Variants in KCNJ3 observed in about 807,000 individuals in gnomAD.
KCNJ3 encodes potassium inwardly rectifying channel subfamily J member 3, also known as G protein-activated inward rectifier potassium channel 1.
In KCNJ3, 4 loss-of-function variants were observed where a neutral mutation model predicts 39.2. The observed-to-expected ratio is 0.10, with a 90% confidence interval of 0.05 to 0.23. KCNJ3 has a LOEUF of 0.23. KCNJ3 is among the 10% of genes least tolerant of loss of function. The pLI is 1.00. For synonymous variants in KCNJ3, 230 were observed against 237.4 expected, an observed-to-expected ratio of 0.97 and a Z score of 0.29; for missense variants, 276 against 634.9, an observed-to-expected ratio of 0.43 and a Z score of 6.08.
intron 2 of KCNJ3, among the ~76,000 whole-genome samples, chr2:154,799,606 C>G: frequency 6.6e-6 from 1 of 152,150 alleles, no homozygotes. Flanking sequence ...AAGCCTCAAT[C>G]TATAGCCACT....
At chr2:154,705,839 T>G (rs1343522878) in intron 1 of KCNJ3, among the ~76,000 whole-genome samples, 1 of 152,076 alleles carries the variant, frequency 6.6e-6, no homozygotes, top group Non-Finnish European at 1.5e-5. Flanking sequence ...ACTCCCAGAA[T>G]TTTTTGTAAT....
intron 2 of KCNJ3, among the ~76,000 whole-genome samples, chr2:154,806,444 CA>C (rs1440758990): frequency 1.3e-5 from 2 of 152,150 alleles, no homozygotes; most frequent in Non-Finnish European, 2.9e-5. Flanking sequence ...GGCAAACAAG[CA>C]GATTCCCTGT....
intron 2 of KCNJ3, among the ~76,000 whole-genome samples, chr2:154,799,637 G>T (rs1029745527): frequency 6.6e-6 from 1 of 152,084 alleles, no homozygotes; most frequent in East Asian, 1.9e-4. Flanking sequence ...TTAGCATACA[G>T]GTCCCTCTTC....
At chr2:154,724,914 G>A (rs1023505486) in intron 2 of KCNJ3, among the ~76,000 whole-genome samples, 10 of 64,340 alleles carry the variant, frequency 1.6e-4, no homozygotes, top group Non-Finnish European at 2.3e-4. Flanking sequence ...AGATACATAT[G>A]AGGTATATAT....
chr2:154,757,055 A>AAGTAT (rs1256966653), intron 2 of KCNJ3, among the ~76,000 whole-genome samples: 8 of 152,140 alleles, frequency 5.3e-5, no homozygotes, highest in African/African-American at 1.9e-4. Context: ...TGAATTTAAA[A>AAGTAT]AGTATTTTTA....
chr2:154,857,886 CAAAAA>C lies in KCNJ3; in HGVS notation c.*2610_*2614del, dbSNP rs70983747. On this transcript the variant is annotated 3_prime_UTR_variant, in exon 3 of 3. Coordinates refer to ENST00000295101, the MANE Select transcript of KCNJ3 (RefSeq NM_002239.4). ...ACAGTGCGAGACTCCATCTCAACAT[CAAAAA>C]AAAAAAAAAAAAAAAAAAAAAAAAA... 2 of 41,972 alleles carry C rather than the reference CAAAAA, an allele frequency of 4.8e-5. No individual in the cohort carries two copies. The highest frequency in any genetic ancestry group is 2.9e-4 in the African/African-American group (2 of 6,960). 2.6% of individuals were successfully genotyped at this position (41,972 alleles called of 1,614,324 possible). A position where few individuals can be genotyped will look rare whatever the true frequency, so the allele number is the denominator to read the frequency against.
At chr2:154,840,359 G>A (rs937658961) in intron 2 of KCNJ3, among the ~76,000 whole-genome samples, 1 of 152,142 alleles carries the variant, frequency 6.6e-6, no homozygotes, top group Non-Finnish European at 1.5e-5. Flanking sequence ...AGTATACTTT[G>A]AAGTCAGGTA....
intron 2 of KCNJ3, among the ~76,000 whole-genome samples, chr2:154,802,098 A>G (rs1457045235): frequency 6.6e-6 from 1 of 152,088 alleles, no homozygotes; most frequent in African/African-American, 2.4e-5. Context: ...ATTGTGAGTC[A>G]GGAGTAATGT....
intron 2 of KCNJ3, among the ~76,000 whole-genome samples, chr2:154,741,540 G>A (rs1235161473): frequency 6.6e-6 from 1 of 151,426 alleles, no homozygotes; most frequent in African/African-American, 2.4e-5. Flanking sequence ...TATTGTTTTT[G>A]GGATGTGGTC....
intron 1 of KCNJ3, among the ~76,000 whole-genome samples, chr2:154,703,577 C>T (rs1351451071): frequency 2.0e-5 from 3 of 151,518 alleles, no homozygotes; most frequent in East Asian, 1.9e-4. Flanking sequence ...TGACTATTAT[C>T]AAGTGCAGAT....
chr2:154,811,233 G>T, intron 2 of KCNJ3, among the ~76,000 whole-genome samples: 1 of 152,076 alleles, frequency 6.6e-6, no homozygotes, highest in South Asian at 2.1e-4. Flanking sequence ...ATGCATGGCC[G>T]GAAGAGGGCT....
chr2:154,743,970 GT>G (rs1685695465), intron 2 of KCNJ3, among the ~76,000 whole-genome samples: 1 of 151,156 alleles, frequency 6.6e-6, no homozygotes, highest in Admixed American at 6.6e-5. Flanking sequence ...ATTACATATG[GT>G]TTCTGTAGAC....
At chr2:154,743,306 C>T (rs1242699366) in intron 2 of KCNJ3, among the ~76,000 whole-genome samples, 2 of 151,716 alleles carry the variant, frequency 1.3e-5, no homozygotes, top group Non-Finnish European at 3.0e-5. Context: ...TATGAGTCTT[C>T]CATCAATTGT....
chr2:154,749,157 T>C (rs1685796083), intron 2 of KCNJ3, among the ~76,000 whole-genome samples: 1 of 152,100 alleles, frequency 6.6e-6, no homozygotes. Flanking sequence ...AGCCATTAAT[T>C]TGTTATAAAT....
intron 2 of KCNJ3, among the ~76,000 whole-genome samples, chr2:154,718,953 G>A (rs988645302): frequency 2.6e-5 from 4 of 152,104 alleles, no homozygotes; most frequent in African/African-American, 9.7e-5. Flanking sequence ...TGTAAGCACA[G>A]GAAAATTGTA....
At chr2:154,825,870 C>A (rs1687262524) in intron 2 of KCNJ3, among the ~76,000 whole-genome samples, 2 of 146,708 alleles carry the variant, frequency 1.4e-5, no homozygotes, top group Admixed American at 7.0e-5. Flanking sequence ...TGAGCCACTG[C>A]ACCTGTTTTT....
At chr2:154,841,784 C>T (rs1276604038) in intron 2 of KCNJ3, among the ~76,000 whole-genome samples, 2 of 151,676 alleles carry the variant, frequency 1.3e-5, no homozygotes, top group African/African-American at 4.8e-5. Context: ...TGGTGATATC[C>T]CCTTTATCAT....
At position 154,819,624 on chromosome 2, in the gene KCNJ3, G is replaced by A. The variant is rs191316370; in HGVS notation, c.920-35103G>A. Among the ~76,000 whole-genome samples, 1,261 of 151,888 alleles carry A rather than the reference G, an allele frequency of 8.3e-3. 21 individuals are homozygous for A. The highest frequency in any genetic ancestry group is 0.029 in the African/African-American group (1,181 of 41,404). Reference sequence around the variant, plus strand: ...CGGCTCACTGCAACCTCTGCCTCCCGGGTTCAAGCTATTCTTCTGCCTCAG... The same window carrying A: ...CGGCTCACTGCAACCTCTGCCTCCCAGGTTCAAGCTATTCTTCTGCCTCAG... On this transcript the variant is annotated intron_variant, in intron 2 of 2. Transcript: ENST00000295101.
chr2:154,825,657 C>G (rs1444037619), intron 2 of KCNJ3, among the ~76,000 whole-genome samples: 3 of 151,726 alleles, frequency 2.0e-5, no homozygotes, highest in African/African-American at 4.8e-5. Context: ...CTTACTGCAG[C>G]CTTGACCTCC....
Sources: gnomAD v4.1 joint callset for allele counts (sites outside exome capture counted in the v4.1 genomes callset) on GRCh38, gnomAD v4.1.1 for gene constraint, MANE v1.5 for transcripts, NCBI Gene and HGNC (gene_info 2026-07-23, HGNC 2026-07-21) for gene names.